The following RBFOX1 variants were observed in gnomAD, a reference collection of about 807,000 sequenced individuals.
The protein encoded by RBFOX1 is RNA binding protein fox-1 homolog 1.
A neutral mutation model predicts 57.7 loss-of-function variants in RBFOX1; 8 were observed. The observed-to-expected ratio is 0.14, with a 90% confidence interval of 0.08 to 0.25. The LOEUF (loss-of-function observed/expected upper bound fraction) is 0.25. Among genes scored for constraint, RBFOX1 ranks in the 10% least tolerant of loss-of-function variants. The pLI is 1.00. For synonymous variants in RBFOX1, 326 were observed against 222.4 expected (o/e 1.47, Z -4.15); for missense variants, 611 against 548.5 (o/e 1.11, Z -1.14).
intron 4 of RBFOX1, among the ~76,000 whole-genome samples, chr16:7,440,568 G>C (rs528186722): frequency 1.6e-4 from 24 of 152,276 alleles, no homozygotes; most frequent in African/African-American, 4.6e-4. Context: ...TTAGGACTTA[G>C]AGATCCTGTT....
intron 3 of RBFOX1, among the ~76,000 whole-genome samples, chr16:5,779,084 T>A (rs967869651): frequency 6.6e-6 from 1 of 152,192 alleles, no homozygotes; most frequent in Non-Finnish European, 1.5e-5. Flanking sequence ...ATGCTGTCAA[T>A]GACTAAGTGA....
intron 2 of RBFOX1, among the ~76,000 whole-genome samples, chr16:6,484,355 C>T (rs1181847630): frequency 6.6e-6 from 1 of 152,136 alleles, no homozygotes; most frequent in Non-Finnish European, 1.5e-5. Flanking sequence ...ATGCTCGTTG[C>T]GCTGGTGTAC....
At chr16:6,538,747 C>G (rs1223374916) in intron 2 of RBFOX1, among the ~76,000 whole-genome samples, 1 of 152,136 alleles carries the variant, frequency 6.6e-6, no homozygotes, top group East Asian at 1.9e-4. Flanking sequence ...TTGCCTTTTT[C>G]CAGCTGTTGG....
At chr16:5,570,578 G>A (rs1348564850) in intron 2 of RBFOX1, among the ~76,000 whole-genome samples, 1 of 152,102 alleles carries the variant, frequency 6.6e-6, no homozygotes, top group African/African-American at 2.4e-5. Flanking sequence ...GGTGGTTCAC[G>A]CCTGTAATCC....
At chr16:7,588,071 C>T (rs901798663) in intron 7 of RBFOX1, among the ~76,000 whole-genome samples, 12 of 152,058 alleles carry the variant, frequency 7.9e-5, no homozygotes, top group Non-Finnish European at 1.6e-4. Flanking sequence ...TCCAGCTACT[C>T]GGGAGGCTGA....
intron 2 of RBFOX1, among the ~76,000 whole-genome samples, chr16:6,651,139 T>A (rs569682808): frequency 6.6e-6 from 1 of 152,274 alleles, no homozygotes; most frequent in Admixed American, 6.5e-5. Flanking sequence ...TGACCTCAGG[T>A]GATCCACCCG....
At chr16:7,159,007 C>T (rs2077724807) in intron 4 of RBFOX1, among the ~76,000 whole-genome samples, 1 of 151,852 alleles carries the variant, frequency 6.6e-6, no homozygotes, top group African/African-American at 2.4e-5. Context: ...CAGATTCCCC[C>T]CATTTCTCTC....
rs1198584627 is a variant in RBFOX1, at chr16:6,981,046, A to AAAAAAAAAAAAAAAAAAAAAC, written c.-15-70998_-15-70997insAAAAAAACAAAAAAAAAAAAA. Among the ~76,000 whole-genome samples the AAAAAAAAAAAAAAAAAAAAAC allele has an allele frequency of 2.0e-5, 3 of 150,876 alleles. 1 individual carries two copies. The highest frequency in any genetic ancestry group is 7.3e-5 in the African/African-American group (3 of 40,818). On this transcript the variant is annotated intron_variant, in intron 3 of 15. Coordinates refer to ENST00000550418, the MANE Select transcript of RBFOX1 (RefSeq NM_018723.4). ...TGGCAGAGCAAGTCTCAGTCTCAAA[A>AAAAAAAAAAAAAAAAAAAAAC]AAAAAAAAAAAAACACTAAAAAATT...
At chr16:7,103,214 C>T (rs543502297) in intron 4 of RBFOX1, among the ~76,000 whole-genome samples, 1 of 152,138 alleles carries the variant, frequency 6.6e-6, no homozygotes, top group Non-Finnish European at 1.5e-5. Flanking sequence ...GGATAAAAAA[C>T]CAATGACCTC....
intron 3 of RBFOX1, among the ~76,000 whole-genome samples, chr16:5,685,291 ATTAAG>A (rs1327640317): frequency 6.6e-6 from 1 of 152,206 alleles, no homozygotes; most frequent in Non-Finnish European, 1.5e-5. Flanking sequence ...TTCAAACTTA[ATTAAG>A]TTTATACCTC....
intron 4 of RBFOX1, among the ~76,000 whole-genome samples, chr16:7,245,866 A>G (rs1187561298): frequency 6.6e-6 from 1 of 152,200 alleles, no homozygotes; most frequent in Non-Finnish European, 1.5e-5. Flanking sequence ...CTTTGCGTTT[A>G]TCTAATTTAA....
chr16:6,531,112 C>T (rs1037747900), intron 2 of RBFOX1, among the ~76,000 whole-genome samples: 2 of 152,210 alleles, frequency 1.3e-5, no homozygotes, highest in African/African-American at 4.8e-5. Context: ...AGTCAAGTCA[C>T]TTGTGCTTAC....
intron 3 of RBFOX1, among the ~76,000 whole-genome samples, chr16:5,845,171 T>G (rs983652261): frequency 6.6e-6 from 1 of 151,578 alleles, no homozygotes; most frequent in African/African-American, 2.4e-5. Context: ...TAACAGGAGA[T>G]GTAGGACAGC....
intron 4 of RBFOX1, among the ~76,000 whole-genome samples, chr16:5,926,976 C>G (rs1166323815): frequency 6.6e-6 from 1 of 152,152 alleles, no homozygotes; most frequent in East Asian, 1.9e-4. Context: ...AATCCACAGT[C>G]TTAGCCATCA....
At chr16:6,124,571 C>T (rs1280436110) in intron 1 of RBFOX1, among the ~76,000 whole-genome samples, 4 of 152,100 alleles carry the variant, frequency 2.6e-5, no homozygotes, top group East Asian at 1.9e-4. Context: ...GGCATAATCT[C>T]GGCTCATTTA....
intron 1 of RBFOX1, among the ~76,000 whole-genome samples, chr16:5,362,569 T>C (rs757916380): frequency 1.3e-5 from 2 of 152,094 alleles, no homozygotes; most frequent in Non-Finnish European, 2.9e-5. Flanking sequence ...TCCATGTTGG[T>C]CAGGCTGGTC....
At chr16:5,693,548 A>G (rs1481135203) in intron 3 of RBFOX1, among the ~76,000 whole-genome samples, 1 of 152,090 alleles carries the variant, frequency 6.6e-6, no homozygotes, top group Admixed American at 6.5e-5. Flanking sequence ...TGGGGGAAGG[A>G]GAAAATTCTT....
At chr16:6,870,077 C>G (rs1033194593) in intron 3 of RBFOX1, among the ~76,000 whole-genome samples, 4 of 152,166 alleles carry the variant, frequency 2.6e-5, no homozygotes, top group Non-Finnish European at 4.4e-5. Context: ...TGACAATTTA[C>G]TAATCCTTCT....
At chr16:5,888,516 C>A (rs1189957702) in intron 4 of RBFOX1, among the ~76,000 whole-genome samples, 1 of 152,086 alleles carries the variant, frequency 6.6e-6, no homozygotes, top group Non-Finnish European at 1.5e-5. Flanking sequence ...GTTGTTGAGG[C>A]CGGGCGCAGT....
Sources: allele counts gnomAD v4.1 joint callset (sites outside exome capture counted in the v4.1 genomes callset), GRCh38; gene constraint gnomAD v4.1.1; transcripts MANE v1.5; gene names NCBI Gene and HGNC (gene_info 2026-07-23, HGNC 2026-07-21).